Variants in GUCY1A2 observed in about 807,000 individuals in gnomAD.
GUCY1A2 encodes guanylate cyclase soluble subunit alpha-2.
In GUCY1A2, 27 loss-of-function variants were observed where a neutral mutation model predicts 63.5. The observed-to-expected ratio is 0.43, with a 90% CI of 0.31 to 0.59. The LOEUF (loss-of-function observed/expected upper bound fraction) is 0.59. Ranked by LOEUF, GUCY1A2 falls within the 20% of genes least tolerant of loss-of-function variation. GUCY1A2 has a pLI of 0.11. For synonymous variants in GUCY1A2, 364 were observed against 343.5 expected, an observed-to-expected ratio of 1.06 and a Z score of -0.66; for missense variants, 768 against 913.3, an observed-to-expected ratio of 0.84 and a Z score of 2.05.
intron 2 of GUCY1A2, 89 bp downstream of exon 2, chr11:106,985,981 G>A (rs951359859): frequency 6.4e-6 from 5 of 778,148 alleles, no homozygotes; most frequent in East Asian, 2.5e-5. Context: ...GGTTGACCTG[G>A]GTAGCAGAAA....
At chr11:106,847,231 C>A (rs1450428138) in intron 4 of GUCY1A2, among the ~76,000 whole-genome samples, 21 of 141,432 alleles carry the variant, frequency 1.5e-4, no homozygotes, top group South Asian at 4.4e-4. Flanking sequence ...TTGCAAAACT[C>A]AAAAAAAAAA....
chr11:107,004,519 A>G (rs1861647961), intron 1 of GUCY1A2, among the ~76,000 whole-genome samples: 1 of 152,142 alleles, frequency 6.6e-6, no homozygotes, highest in Admixed American at 6.5e-5. Context: ...TACATCAATA[A>G]AGTTATATAA....
At chr11:106,708,232 C>G (rs1862951870) in intron 7 of GUCY1A2, among the ~76,000 whole-genome samples, 1 of 152,054 alleles carries the variant, frequency 6.6e-6, no homozygotes, top group Non-Finnish European at 1.5e-5. Flanking sequence ...AACATTTGCT[C>G]TCCTGTATTT....
chr11:106,745,348 A>G (rs889317834), intron 6 of GUCY1A2, among the ~76,000 whole-genome samples: 7 of 152,260 alleles, frequency 4.6e-5, no homozygotes, highest in African/African-American at 7.2e-5. Flanking sequence ...ATAAATGAGA[A>G]GTACTTTGTC....
At chr11:106,889,322 T>C (rs1859944059) in intron 4 of GUCY1A2, among the ~76,000 whole-genome samples, 1 of 152,178 alleles carries the variant, frequency 6.6e-6, no homozygotes, top group Non-Finnish European at 1.5e-5. Context: ...GTTGTGGAGA[T>C]AGAAGCTTCA....
chr11:106,721,727 T>TA (rs1449103603), intron 6 of GUCY1A2, among the ~76,000 whole-genome samples: 1 of 152,152 alleles, frequency 6.6e-6, no homozygotes, highest in Non-Finnish European at 1.5e-5. Flanking sequence ...AACCTTATAA[T>TA]AAGGATAAAA....
intron 5 of GUCY1A2, among the ~76,000 whole-genome samples, chr11:106,807,878 A>G (rs946380535): frequency 4.6e-5 from 7 of 151,784 alleles, no homozygotes; most frequent in African/African-American, 7.3e-5. Flanking sequence ...TTGGACTCCA[A>G]GTTCTTTAGC....
intron 6 of GUCY1A2, among the ~76,000 whole-genome samples, chr11:106,762,519 A>G (rs557215175): frequency 6.6e-6 from 1 of 152,262 alleles, no homozygotes; most frequent in East Asian, 1.9e-4. Context: ...GCACCCCAAC[A>G]AAGGAGTACA....
chr11:106,717,541 A>G lies in GUCY1A2; in HGVS notation c.1837-8875T>C, dbSNP rs186138552. The stretch of plus-strand genomic sequence containing the variant: ...ATTGAAACAGTCTTATTTGTGCAAG[A>G]AAAATGTCCAAATTCAAATAGGTCT... On this transcript the variant is annotated intron_variant, in intron 6 of 7. Transcript: ENST00000526355. Among the ~76,000 whole-genome samples the G allele has an allele frequency of 3.8e-3, 581 of 152,356 alleles. 4 individuals carry two copies. The highest frequency in any genetic ancestry group is 0.014 in the African/African-American group (569 of 41,598).
chr11:106,844,360 C>T (rs193014969), intron 4 of GUCY1A2, among the ~76,000 whole-genome samples: 34 of 151,762 alleles, frequency 2.2e-4, no homozygotes, highest in African/African-American at 7.5e-4. Flanking sequence ...TTTATGAGTT[C>T]GGAATATGTG....
rs1862603147 is a variant in GUCY1A2 at position 106,690,422 on chromosome 11, C to G, written c.1992-2666G>C. Among the ~76,000 whole-genome samples, 6 of 152,202 alleles carry G rather than the reference C, an allele frequency of 3.9e-5. No homozygotes were observed. In the South Asian group the frequency reaches 1.2e-3, roughly 32 times the overall value. ...TATCATTAGCAAACTAATGCAGGAA[C>G]AGAAAACCAAATACTGTATGTTCTC... is the stretch of plus-strand genomic sequence containing the variant. On this transcript the variant is annotated intron_variant, in intron 7 of 7. Coordinates refer to ENST00000526355, the MANE Select transcript of GUCY1A2 (RefSeq NM_000855.3).
intron 4 of GUCY1A2, chr11:106,827,656 T>C (rs1229439048): frequency 1.2e-5 from 19 of 1,539,006 alleles, no homozygotes; most frequent in Non-Finnish European, 1.6e-5. Context: ...ACCTTGATGT[T>C]GGGAAAGCGT....
Position 106,708,537 on chromosome 11 carries a change from T to C in GUCY1A2, c.1966A>G (p.Ile656Val), listed in dbSNP as rs774672627. ...KFESGSHPRR[I>V]NVSPTTYQLL... ...TGGTAAGTGGTTGGGCTGACATTGA[T>C]GCGCCGAGGGTGACTTCCCGACTCG... The change falls in exon 7 of 8, where the codon ATC (isoleucine) becomes GTC (valine). Residue 656 changes from isoleucine to valine, a missense_variant. Physicochemically the swap from Ile to Val is conservative, Grantham distance 29 (BLOSUM62 3). Transcript: ENST00000526355. 13 of 1,612,532 alleles carry C rather than the reference T, an allele frequency of 8.1e-6. No homozygotes were observed. The highest frequency in any genetic ancestry group is 1.7e-4 in the Middle Eastern group (1 of 6,050).
intron 4 of GUCY1A2, among the ~76,000 whole-genome samples, chr11:106,872,585 G>A (rs1859694758): frequency 1.3e-5 from 2 of 152,138 alleles, no homozygotes; most frequent in South Asian, 4.1e-4. Flanking sequence ...AAGGAGTTGA[G>A]AATAGGACCA....
chr11:106,983,133 C>T lies in GUCY1A2; in HGVS notation c.365+2937G>A, dbSNP rs886398084. Among the ~76,000 whole-genome samples the T allele has an allele frequency of 7.9e-5, 12 of 152,218 alleles. 1 individual carries two copies. The highest frequency in any genetic ancestry group is 3.4e-3 in the Middle Eastern group (1 of 294). On this transcript the variant is annotated intron_variant, in intron 2 of 7. Coordinates refer to ENST00000526355, the MANE Select transcript of GUCY1A2 (RefSeq NM_000855.3). ...ATGATGTAATTTTTTAATTGCTTTG[C>T]TGTGGTGAAAATACATATTGGCGGA...
intron 6 of GUCY1A2, among the ~76,000 whole-genome samples, chr11:106,771,713 C>T (rs1320105149): frequency 6.6e-6 from 1 of 151,714 alleles, no homozygotes; most frequent in Non-Finnish European, 1.5e-5. Flanking sequence ...GATGGTGACA[C>T]TGCACTCCAG....
intron 4 of GUCY1A2, among the ~76,000 whole-genome samples, chr11:106,865,416 CT>C (rs1306545495): frequency 2.0e-5 from 3 of 151,794 alleles, no homozygotes; most frequent in Admixed American, 1.3e-4. Flanking sequence ...TATTTTTTGT[CT>C]TCTGCTAGCT....
intron 3 of GUCY1A2, among the ~76,000 whole-genome samples, chr11:106,948,188 G>GA (rs1425261419): frequency 2.6e-5 from 4 of 151,974 alleles, no homozygotes. Context: ...TCCGGCCATA[G>GA]AAAAAAATTA....
intron 3 of GUCY1A2, among the ~76,000 whole-genome samples, chr11:106,959,904 A>G (rs1438565796): frequency 1.3e-5 from 2 of 152,220 alleles, no homozygotes; most frequent in African/African-American, 4.8e-5. Flanking sequence ...TCAGGCCTTG[A>G]AACCTAATGA....
Sources: allele counts gnomAD v4.1 joint callset (sites outside exome capture counted in the v4.1 genomes callset), GRCh38; gene constraint gnomAD v4.1.1; transcripts MANE v1.5; gene names NCBI Gene and HGNC (gene_info 2026-07-23, HGNC 2026-07-21).